GRAMD1B: variants seen among roughly 807,000 people sequenced by gnomAD.
GRAMD1B encodes GRAM domain containing 1B.
A neutral mutation model predicts 99.7 loss-of-function variants in GRAMD1B; 37 were observed. The observed-to-expected ratio is 0.37, with a 90% CI of 0.29 to 0.49. The LOEUF (loss-of-function observed/expected upper bound fraction) is 0.49, where lower values mean the gene tolerates loss of function less well. GRAMD1B is among the 20% of genes least tolerant of loss of function. GRAMD1B has a pLI of 0.98. For synonymous variants in GRAMD1B, 427 were observed against 387.6 expected (o/e 1.10, Z -1.19); for missense variants, 888 against 1,009.2 (o/e 0.88, Z 1.63).
At chr11:123,559,713 T>TA (rs745731655) in intron 2 of GRAMD1B, 18 of 984,018 alleles carry the variant, frequency 1.8e-5, no homozygotes, top group Non-Finnish European at 1.9e-5. Context: ...CCCTGAGTGT[T>TA]ACTCTTGCTG....
chr11:123,383,951 A>G lies in GRAMD1B; in HGVS notation c.-176+25152A>G, dbSNP rs981159947. ...AGTGACGCGATCTCAGCTCACTGCA[A>G]CCTCCACCTCCTGGGTTCAGGTGAT... On this transcript the variant is annotated intron_variant, in intron 1 of 20. Transcript: ENST00000638157. 2.6e-5 allele frequency among the ~76,000 whole-genome samples: 4 copies of G among 151,930 alleles called. No individual in the cohort carries two copies. In the South Asian group the frequency reaches 8.4e-4, roughly 32 times the overall value.
Position 123,500,733 on chromosome 11 carries a change from C to T in GRAMD1B, c.452+19840C>T, listed in dbSNP as rs546344229. On this transcript the variant is annotated intron_variant, in intron 2 of 19. Coordinates refer to ENST00000635736, the MANE Select transcript of GRAMD1B (RefSeq NM_001387025.1). ...TGTCACCCAGGCTGGAGTGCAGTGG[C>T]GCGATCGCGGCTTACTGCAACCTCT... 3.9e-5 allele frequency among the ~76,000 whole-genome samples: 6 copies of T among 152,012 alleles called. 1 individual carries two copies. Among genetic ancestry groups the T allele is most frequent in the African/African-American group, 1.4e-4 (6 of 41,466 alleles).
At position 123,595,325 on chromosome 11, in the gene GRAMD1B, A is replaced by T. The variant is rs187934700; in HGVS notation, c.873+487A>T. The stretch of plus-strand genomic sequence containing the variant: ...AAACAGAGTTTCACTCTTGTTGCCC[A>T]GGCTGGAGTACAATGGCAGAATCTT... On this transcript the variant is annotated intron_variant, in intron 6 of 19. Coordinates refer to ENST00000635736, the MANE Select transcript of GRAMD1B (RefSeq NM_001387025.1). Among the ~76,000 whole-genome samples the T allele has an allele frequency of 4.0e-5, 6 of 151,000 alleles. No homozygotes were observed. In the East Asian group the frequency reaches 1.2e-3, roughly 29 times the overall value.
In GRAMD1B at chr11:123,594,077, C is replaced by G; in HGVS notation, c.685-5C>G. 1 of 1,600,696 alleles carries G rather than the reference C, an allele frequency of 6.2e-7. No individual in the cohort carries two copies. The stretch of plus-strand genomic sequence containing the variant: ...ATCCTACTAACCTTGGCTATTGTCA[C>G]GCAGGTGTTAAGCCCCACCTACAAG... On this transcript the variant is annotated splice_polypyrimidine_tract_variant and splice_region_variant and intron_variant, in intron 4 of 19. Transcript: ENST00000635736.
At chr11:123,364,629 C>G (rs1053895590) in intron 1 of GRAMD1B, among the ~76,000 whole-genome samples, 27 of 152,296 alleles carry the variant, frequency 1.8e-4, no homozygotes, top group African/African-American at 6.3e-4. Context: ...AAACTCAGGT[C>G]AGAACTTCCT....
intron 2 of GRAMD1B, among the ~76,000 whole-genome samples, chr11:123,559,099 A>G (rs959173707): frequency 6.6e-6 from 1 of 152,278 alleles, no homozygotes; most frequent in South Asian, 2.1e-4. Flanking sequence ...TTTGCTGTTC[A>G]GGGTGGTCCC....
chr11:123,408,022 G>A (rs1325057483), intron 1 of GRAMD1B, among the ~76,000 whole-genome samples: 1 of 152,186 alleles, frequency 6.6e-6, no homozygotes, highest in Non-Finnish European at 1.5e-5. Context: ...ACTTTCAAAC[G>A]AGATAATGTA....
Position 123,430,494 on chromosome 11 carries a change from G to T in GRAMD1B, c.-299G>T. 1 of 391,884 alleles carries T rather than the reference G, an allele frequency of 2.6e-6. No individual in the cohort carries two copies. Among genetic ancestry groups the T allele is most frequent in the Non-Finnish European group, 4.5e-6 (1 of 220,594 alleles). 24.3% of individuals were successfully genotyped at this position (391,884 alleles called of 1,614,324 possible). A position where few individuals can be genotyped will look rare whatever the true frequency, so the allele number is the denominator to read the frequency against. On this transcript the variant is annotated 5_prime_UTR_variant, in exon 1 of 20. It adds an upstream start codon to the 5' untranslated region. Coordinates refer to ENST00000635736, the MANE Select transcript of GRAMD1B (RefSeq NM_001387025.1). ...GGAAGAAAAACAAGCGGGCGCGCGA[G>T]GGGAGCCCCAGGAGGGCTGCCGAGT... is the stretch of plus-strand genomic sequence containing the variant.
At chr11:123,458,913 C>T (rs1485497543) in intron 1 of GRAMD1B, 3 of 151,922 alleles carry the variant, frequency 2.0e-5, no homozygotes, top group African/African-American at 7.3e-5. Context: ...GTCCTTTGTG[C>T]TCCTGTAATT....
intron 1 of GRAMD1B, among the ~76,000 whole-genome samples, chr11:123,443,407 CA>C (rs1294401321): frequency 6.6e-6 from 1 of 152,112 alleles, no homozygotes; most frequent in East Asian, 1.9e-4. Flanking sequence ...AACATGTGTG[CA>C]AGGTGGTTGG....
chr11:123,365,984 A>G (rs1946307377), intron 1 of GRAMD1B, among the ~76,000 whole-genome samples: 1 of 152,202 alleles, frequency 6.6e-6, no homozygotes, highest in Non-Finnish European at 1.5e-5. Flanking sequence ...GGAGAATTTG[A>G]GGGGGACCAC....
intron 1 of GRAMD1B, among the ~76,000 whole-genome samples, chr11:123,422,854 C>T (rs1395930880): frequency 6.6e-6 from 1 of 152,200 alleles, no homozygotes; most frequent in Non-Finnish European, 1.5e-5. Flanking sequence ...CAGGATCCTT[C>T]TCCCTCGTGT....
chr11:123,482,923 A>T (rs987515226), intron 2 of GRAMD1B, among the ~76,000 whole-genome samples: 1 of 151,864 alleles, frequency 6.6e-6, no homozygotes, highest in African/African-American at 2.4e-5. Flanking sequence ...GTCGAGTGTG[A>T]TGGTGCACGC....
intron 1 of GRAMD1B, among the ~76,000 whole-genome samples, chr11:123,467,236 A>G (rs1950724981): frequency 6.6e-6 from 1 of 152,136 alleles, no homozygotes; most frequent in African/African-American, 2.4e-5. Flanking sequence ...TAATCCCAGC[A>G]CTTTGGGAGG....
chr11:123,598,844 G>A, intron 7 of GRAMD1B: 6 of 1,360,984 alleles, frequency 4.4e-6, no homozygotes, highest in Non-Finnish European at 6.3e-6. Flanking sequence ...TCTGATCTTG[G>A]AGAGGCTTCA....
intron 1 of GRAMD1B, chr11:123,435,662 G>A (rs1466947888): frequency 1.1e-5 from 5 of 468,960 alleles, no homozygotes; most frequent in Non-Finnish European, 1.9e-5. Flanking sequence ...ATCTATAGAT[G>A]TTTGTTGATG....
At chr11:123,528,956 A>T (rs944993135) in intron 2 of GRAMD1B, among the ~76,000 whole-genome samples, 1 of 152,338 alleles carries the variant, frequency 6.6e-6, no homozygotes, top group East Asian at 1.9e-4. Context: ...ACGCAACAGC[A>T]TGGTGTGTCA....
At chr11:123,566,348 C>T (rs1947365054) in intron 2 of GRAMD1B, among the ~76,000 whole-genome samples, 2 of 152,176 alleles carry the variant, frequency 1.3e-5, no homozygotes, top group Admixed American at 1.3e-4. Flanking sequence ...TTTTAGTTTT[C>T]ATGGACCCAA....
intron 1 of GRAMD1B, among the ~76,000 whole-genome samples, chr11:123,419,065 A>G (rs943536572): frequency 6.6e-6 from 1 of 152,210 alleles, no homozygotes; most frequent in Admixed American, 6.5e-5. Context: ...AGATTTTTTT[A>G]TGCTAGTGAA....
Sources: allele counts gnomAD v4.1 joint callset (sites outside exome capture counted in the v4.1 genomes callset), GRCh38; gene constraint gnomAD v4.1.1; transcripts MANE v1.5; gene names NCBI Gene and HGNC (gene_info 2026-07-23, HGNC 2026-07-21).